Variants in KIAA1549L observed in about 807,000 individuals in gnomAD.
KIAA1549L encodes UPF0606 protein KIAA1549L.
KIAA1549L carries 88 observed loss-of-function variants against 160.7 expected under a neutral mutation model. The ratio of observed to expected loss-of-function variants is 0.55; its 90% CI spans 0.46 to 0.65. KIAA1549L has a LOEUF of 0.65. Ranked by LOEUF, KIAA1549L falls within the 30% of genes least tolerant of loss-of-function variation. KIAA1549L has a pLI of 0.00. For synonymous variants in KIAA1549L, 950 were observed against 976.7 expected (o/e 0.97, Z 0.51); for missense variants, 2,258 against 2,437.5 (o/e 0.93, Z 1.55).
chr11:33,664,367 G>T (rs181784121), intron 20 of KIAA1549L, among the ~76,000 whole-genome samples: 1 of 151,910 alleles, frequency 6.6e-6, no homozygotes, highest in Non-Finnish European at 1.5e-5. Flanking sequence ...GGCGTCAGCC[G>T]CACATCTCAG....
chr11:33,605,850 A>G (rs1021701265), intron 13 of KIAA1549L, among the ~76,000 whole-genome samples: 3 of 152,254 alleles, frequency 2.0e-5, no homozygotes, highest in Non-Finnish European at 4.4e-5. Flanking sequence ...ATATGCTTTA[A>G]GAACAAGTAA....
At chr11:33,528,346 G>A (rs916931488) in intron 1 of KIAA1549L, among the ~76,000 whole-genome samples, 3 of 152,284 alleles carry the variant, frequency 2.0e-5, no homozygotes, top group Middle Eastern at 6.8e-3. Flanking sequence ...GTATGGATGT[G>A]GTGAAAAGGG....
At chr11:33,579,606 A>C (rs528258688) in intron 10 of KIAA1549L, among the ~76,000 whole-genome samples, 2 of 152,316 alleles carry the variant, frequency 1.3e-5, no homozygotes, top group African/African-American at 4.8e-5. Flanking sequence ...CACTGATGGG[A>C]TATCAAGGGT....
intron 17 of KIAA1549L, among the ~76,000 whole-genome samples, chr11:33,646,598 A>T (rs1221559324): frequency 1.3e-5 from 2 of 152,268 alleles, no homozygotes; most frequent in African/African-American, 4.8e-5. Flanking sequence ...TAAATCCATG[A>T]TAGCAAGAAC....
chr11:33,560,292 C>T (rs577265870), intron 7 of KIAA1549L, among the ~76,000 whole-genome samples: 2 of 152,336 alleles, frequency 1.3e-5, no homozygotes, highest in South Asian at 4.1e-4. Context: ...TACCCACTCT[C>T]ACTTAGCTAG....
Position 33,671,498 on chromosome 11 carries a change from G to GTTAAT in KIAA1549L, c.*3349_*3353dup, listed in dbSNP as rs3834453. The GTTAAT allele has an allele frequency of 0.28, 42,171 of 151,512 alleles. 5,909 individuals are homozygous for GTTAAT. The highest frequency in any genetic ancestry group is 0.34 in the South Asian group (1,634 of 4,802). 9.4% of individuals were successfully genotyped at this position (151,512 alleles called of 1,614,324 possible). A position where few individuals can be genotyped will look rare whatever the true frequency, so the allele number is the denominator to read the frequency against. ...CCAGGAGAAGTTTTATTGTGAGTTT[G>GTTAAT]TTAATTTAAGAACTCACTCAGCAGA... On this transcript the variant is annotated 3_prime_UTR_variant, in exon 21 of 21. Coordinates refer to ENST00000658780, the MANE Select transcript of KIAA1549L (RefSeq NM_012194.3).
At chr11:33,495,461 A>G (rs1156282711) in intron 1 of KIAA1549L, among the ~76,000 whole-genome samples, 1 of 151,898 alleles carries the variant, frequency 6.6e-6, no homozygotes, top group Admixed American at 6.6e-5. Context: ...TGAACTCATC[A>G]TTTTTTATGG....
intron 1 of KIAA1549L, among the ~76,000 whole-genome samples, chr11:33,393,803 T>C (rs918497824): frequency 2.6e-5 from 4 of 152,148 alleles, no homozygotes; most frequent in African/African-American, 9.7e-5. Flanking sequence ...TGAGAGCCGC[T>C]CTCTTAAAAG....
intron 6 of KIAA1549L, among the ~76,000 whole-genome samples, chr11:33,555,854 G>A (rs1160421842): frequency 2.0e-5 from 3 of 152,100 alleles, no homozygotes; most frequent in African/African-American, 7.2e-5. Context: ...AACACTACCA[G>A]CAGAGTGAAA....
At chr11:33,407,400 G>A (rs1052482259) in intron 1 of KIAA1549L, among the ~76,000 whole-genome samples, 3 of 151,942 alleles carry the variant, frequency 2.0e-5, no homozygotes, top group Admixed American at 6.6e-5. Context: ...GGAGTGCGGT[G>A]GCATGATCTT....
intron 4 of KIAA1549L, among the ~76,000 whole-genome samples, chr11:33,548,929 C>T (rs1041524423): frequency 5.9e-5 from 9 of 151,978 alleles, no homozygotes; most frequent in African/African-American, 1.7e-4. Context: ...TGATCATTGT[C>T]GATCTCTTTT....
At chr11:33,415,714 T>A (rs1850874722) in intron 1 of KIAA1549L, among the ~76,000 whole-genome samples, 3 of 152,132 alleles carry the variant, frequency 2.0e-5, no homozygotes, top group South Asian at 4.1e-4. Flanking sequence ...GACCCTTATA[T>A]CCTTGAGCTT....
chr11:33,663,840 A>G (rs944900411), intron 20 of KIAA1549L, among the ~76,000 whole-genome samples: 5 of 152,228 alleles, frequency 3.3e-5, no homozygotes, highest in Admixed American at 2.0e-4. Context: ...GAGACAGGCA[A>G]TGGCATCAGG....
At chr11:33,490,309 C>G (rs1004985399) in intron 1 of KIAA1549L, among the ~76,000 whole-genome samples, 7 of 150,678 alleles carry the variant, frequency 4.6e-5, no homozygotes, top group Admixed American at 4.0e-4. Context: ...GTTGACAGAA[C>G]TACTTACTTT....
At chr11:33,420,187 G>A (rs1042052169) in intron 1 of KIAA1549L, among the ~76,000 whole-genome samples, 2 of 149,568 alleles carry the variant, frequency 1.3e-5, no homozygotes, top group East Asian at 2.0e-4. Context: ...CCCACACATC[G>A]AACTGAAATG....
chr11:33,463,394 GA>G (rs935441999), intron 1 of KIAA1549L, among the ~76,000 whole-genome samples: 16 of 146,436 alleles, frequency 1.1e-4, no homozygotes, highest in East Asian at 2.0e-4. Flanking sequence ...TAAATGAATT[GA>G]AAAAAAAAAG....
intron 16 of KIAA1549L, among the ~76,000 whole-genome samples, chr11:33,630,585 A>T (rs1281198731): frequency 6.6e-6 from 1 of 152,072 alleles, no homozygotes; most frequent in South Asian, 2.1e-4. Context: ...AGGAAAGGGA[A>T]CTCCCTGACC....
chr11:33,569,416 C>T (rs145359623), intron 9 of KIAA1549L, among the ~76,000 whole-genome samples: 3 of 152,202 alleles, frequency 2.0e-5, no homozygotes, highest in African/African-American at 7.2e-5. Flanking sequence ...GAGCAGACTA[C>T]CCCTGGCATG....
At position 33,542,616 on chromosome 11, in the gene KIAA1549L, G is replaced by A. The variant is rs768276043; in HGVS notation, c.1053G>A (p.Leu351=). The stretch of plus-strand genomic sequence containing the variant: ...GGTTTTTGAGCCCCATGGCAGAACT[G>A]TCCCATCCGTCTCCCCCTCCCCCAG... ...TPGFLSPMAE[L]SHPSPPPPAL... Residue 351 remains leucine (L), a synonymous_variant, in exon 2 of 21, where the codon CTG becomes CTA. Coordinates refer to ENST00000658780, the MANE Select transcript of KIAA1549L (RefSeq NM_012194.3). 3 of 1,613,896 alleles carry A rather than the reference G, an allele frequency of 1.9e-6. No individual in the cohort carries two copies. The highest frequency in any genetic ancestry group is 3.3e-5 in the Admixed American group (2 of 60,008).
Sources: allele counts gnomAD v4.1 joint callset (sites outside exome capture counted in the v4.1 genomes callset), GRCh38; gene constraint gnomAD v4.1.1; transcripts MANE v1.5; gene names NCBI Gene and HGNC (gene_info 2026-07-23, HGNC 2026-07-21).